SYNCRIP: variants seen among roughly 807,000 people sequenced by gnomAD.
The protein encoded by SYNCRIP is synaptotagmin binding cytoplasmic RNA interacting protein, also known as heterogeneous nuclear ribonucleoprotein Q.
SYNCRIP carries 9 observed loss-of-function variants against 68.9 expected under a neutral mutation model. The ratio of observed to expected loss-of-function variants is 0.13; its 90% CI spans 0.08 to 0.23. The LOEUF is 0.23. SYNCRIP is among the 10% of genes least tolerant of loss of function. The pLI is 1.00. For missense variants in SYNCRIP, 414 were observed against 770.6 expected, an observed-to-expected ratio of 0.54 and a Z score of 5.48; for synonymous variants, 258 against 254.0, an observed-to-expected ratio of 1.02 and a Z score of -0.15.
chr6:85,641,700 A>G (rs1213308476), intron 1 of SYNCRIP, among the ~76,000 whole-genome samples: 3 of 152,118 alleles, frequency 2.0e-5, no homozygotes, highest in Non-Finnish European at 4.4e-5. Context: ...AGGAAAAACC[A>G]TATTACAAAT....
chr6:85,624,454 TCAG>T lies in SYNCRIP; in HGVS notation c.667-345_667-343del, dbSNP rs1456701535. On this transcript the variant is annotated intron_variant, in intron 6 of 10. Coordinates refer to ENST00000369622, the MANE Select transcript of SYNCRIP (RefSeq NM_006372.5). ...CATACAAGGAAAACTGATCCCAAGATCAGCAAGATCTCTGCCGTTCTGTTAACC... is the reference window on the plus strand; with the variant it reads ...CATACAAGGAAAACTGATCCCAAGATCAAGATCTCTGCCGTTCTGTTAACC... Among the ~76,000 whole-genome samples the T allele has an allele frequency of 3.3e-5, 5 of 152,288 alleles. No homozygotes were observed. In the South Asian group the frequency reaches 6.2e-4, roughly 19 times the overall value.
downstream of SYNCRIP, chr6:85,612,813 G>T: frequency 6.6e-7 from 1 of 1,526,138 alleles, no homozygotes; most frequent in Non-Finnish European, 8.8e-7. Flanking sequence ...ACATATTTAA[G>T]GTTGCTTGAT....
intron 10 of SYNCRIP, among the ~76,000 whole-genome samples, chr6:85,617,268 T>C (rs568359092): frequency 6.6e-6 from 1 of 152,200 alleles, no homozygotes; most frequent in South Asian, 2.1e-4. Context: ...TTTTAGTTTG[T>C]ACTCCTTTTC....
At chr6:85,626,902 T>C (rs1355857450) in intron 6 of SYNCRIP, among the ~76,000 whole-genome samples, 1 of 152,142 alleles carries the variant, frequency 6.6e-6, no homozygotes, top group Non-Finnish European at 1.5e-5. Context: ...CTGAACAACA[T>C]AAATAACACA....
chr6:85,623,832 A>T (rs1806734452), intron 7 of SYNCRIP, 145 bp downstream of exon 7: 1 of 968,960 alleles, frequency 1.0e-6, no homozygotes, highest in East Asian at 2.7e-5. Context: ...TCTTATCTGA[A>T]AAATGGGGTT....
chr6:85,610,840 A>G (rs954062977), downstream of SYNCRIP: 1 of 152,020 alleles, frequency 6.6e-6, no homozygotes, highest in African/African-American at 2.4e-5. Context: ...AATGAAATGT[A>G]AATGTTTTGT....
intron 6 of SYNCRIP, among the ~76,000 whole-genome samples, chr6:85,635,674 G>A (rs1349986951): frequency 6.7e-6 from 1 of 150,074 alleles, no homozygotes; most frequent in Non-Finnish European, 1.5e-5. Context: ...AGAGGCTGAG[G>A]CAGGAGAATC....
intron 6 of SYNCRIP, among the ~76,000 whole-genome samples, chr6:85,635,725 G>A (rs1286092610): frequency 7.7e-6 from 1 of 129,726 alleles, no homozygotes. Context: ...AGCCAAGATC[G>A]CACCATGGCA....
chr6:85,642,269 G>A (rs965264745), intron 1 of SYNCRIP, among the ~76,000 whole-genome samples: 5 of 151,990 alleles, frequency 3.3e-5, no homozygotes, highest in Non-Finnish European at 7.4e-5. Flanking sequence ...GCGCTCCCCG[G>A]GCGCCGACGA....
chr6:85,612,124 C>T (rs1805300037), downstream of SYNCRIP: 1 of 152,118 alleles, frequency 6.6e-6, no homozygotes, highest in South Asian at 2.1e-4. Flanking sequence ...TCTTACAAGC[C>T]TCTGAAACTA....
chr6:85,630,598 A>AC (rs1807628098), intron 6 of SYNCRIP, among the ~76,000 whole-genome samples: 1 of 152,116 alleles, frequency 6.6e-6, no homozygotes, highest in Admixed American at 6.6e-5. Flanking sequence ...TTTCCAAACA[A>AC]CCCCTAGGTA....
At chr6:85,612,856 T>C, downstream of SYNCRIP, 1 of 1,550,010 alleles carries the variant, frequency 6.5e-7, no homozygotes, top group Non-Finnish European at 8.7e-7. Context: ...AAGCTTCTGG[T>C]GTAATCCCAC....
exon 12 of SYNCRIP, chr6:85,608,426 G>C (rs1804991369): frequency 6.6e-6 from 1 of 151,970 alleles, no homozygotes; most frequent in Non-Finnish European, 1.5e-5. Context: ...AGGCAGTACA[G>C]ATAGTACAGA....
At chr6:85,636,266 G>A (rs546651485) in intron 6 of SYNCRIP, among the ~76,000 whole-genome samples, 6 of 152,068 alleles carry the variant, frequency 3.9e-5, no homozygotes, top group East Asian at 1.9e-4. Context: ...CCAACATGGC[G>A]AAACCCCATC....
At chr6:85,623,909 C>T (rs185754535) in intron 7 of SYNCRIP, 68 bp downstream of exon 7, 227 of 1,566,118 alleles carry the variant, frequency 1.4e-4, no homozygotes, top group South Asian at 2.8e-4. Context: ...CAATGCATGA[C>T]GCACAGAAAT....
intron 6 of SYNCRIP, among the ~76,000 whole-genome samples, chr6:85,631,339 C>CAAAAAAAAAAAAAAAAAAAAAAAAAAAA (rs71003000): frequency 4.4e-5 from 4 of 91,800 alleles, no homozygotes; most frequent in African/African-American, 2.0e-4. Context: ...ACTGTGTCTC[C>CAAAAAAAAAAAAAAAAAAAAAAAAAAAA]AAAAAAAAAA....
intron 6 of SYNCRIP, among the ~76,000 whole-genome samples, chr6:85,627,445 T>C (rs1455147236): frequency 6.6e-6 from 1 of 152,048 alleles, no homozygotes; most frequent in Non-Finnish European, 1.5e-5. Context: ...CATCTACGGA[T>C]TACGCATGCT....
chr6:85,624,962 C>T (rs1025735290), intron 6 of SYNCRIP, among the ~76,000 whole-genome samples: 7 of 152,182 alleles, frequency 4.6e-5, no homozygotes, highest in African/African-American at 1.2e-4. Flanking sequence ...ATCTATTCTA[C>T]ACGTGGAGCT....
intron 7 of SYNCRIP, 56 bp downstream of exon 7, chr6:85,623,921 T>C (rs1806745835): frequency 1.3e-6 from 2 of 1,583,406 alleles, no homozygotes; most frequent in Middle Eastern, 1.7e-4. Flanking sequence ...CACAGAAATA[T>C]GCTATTAATC....
Sources: allele counts gnomAD v4.1 joint callset (sites outside exome capture counted in the v4.1 genomes callset), GRCh38; gene constraint gnomAD v4.1.1; transcripts MANE v1.5; gene names NCBI Gene and HGNC (gene_info 2026-07-23, HGNC 2026-07-21).